Variants in HLA-B observed in about 807,000 individuals in gnomAD.
HLA-B encodes the protein HLA class I antigen HLA-B.
A neutral mutation model predicts 41.5 loss-of-function variants in HLA-B; 31 were observed. The ratio of observed to expected loss-of-function variants is 0.75; its 90% confidence interval spans 0.56 to 1.01. The LOEUF (loss-of-function observed/expected upper bound fraction) is 1.01, where lower values mean the gene tolerates loss of function less well. HLA-B is among the 50% of genes least tolerant of loss of function. The pLI is 0.00. For synonymous variants in HLA-B, 138 were observed against 189.0 expected, an observed-to-expected ratio of 0.73 and a Z score of 2.21; for missense variants, 369 against 457.2, an observed-to-expected ratio of 0.81 and a Z score of 1.76.
In HLA-B at chr6:31,354,470, G is replaced by T; in HGVS notation, c.*4+9C>A. The T allele has an allele frequency of 2.9e-6, 3 of 1,028,394 alleles. No individual in the cohort carries two copies. The highest frequency in any genetic ancestry group is 2.6e-6 in the Non-Finnish European group (2 of 777,120). The allele number at this position is 1,028,394 out of a possible 1,614,324, so 63.7% of individuals were successfully genotyped here. ...CCACCCCACCCACTCTAGACCCCAAGAATCTCACCTTTTCAAGCTGTGAGA... is the reference window on the plus strand; with the variant it reads ...CCACCCCACCCACTCTAGACCCCAATAATCTCACCTTTTCAAGCTGTGAGA... On this transcript the variant is annotated intron_variant, in intron 7 of 7. Coordinates refer to ENST00000412585, the MANE Select transcript of HLA-B (RefSeq NM_005514.8).
Position 31,356,366 on chromosome 6 carries a change from G to T in HLA-B, c.420C>A (p.Tyr140Ter), listed in dbSNP as rs12697944. The T allele has an allele frequency of 0.049, 50,717 of 1,026,736 alleles. 3,876 individuals are homozygous for T. Among genetic ancestry groups the T allele is most frequent in the South Asian group, 0.17 (10,364 of 62,050 alleles). The allele number at this position is 1,026,736 out of a possible 1,614,324, so 63.6% of individuals were successfully genotyped here. Residue 140 changes from tyrosine to a stop codon, truncating the protein, a stop_gained, in exon 3 of 8, where the codon TAC (tyrosine) becomes TAA (stop). Transcript: ENST00000412585. LOFTEE classifies it high-confidence loss of function. ...DGRLLRGHDQ[Y>*]AYDGKDYIAL... ...CGATGTAATCCTTGCCGTCGTAGGCGTACTGGTCATGCCCGCGGAGGAGGC... is the reference window on the plus strand; with the variant it reads ...CGATGTAATCCTTGCCGTCGTAGGCTTACTGGTCATGCCCGCGGAGGAGGC...
intron 6 of HLA-B, 50 bp from the exon 7 acceptor site, chr6:31,354,576 G>A (rs1442048338): frequency 6.8e-7 from 1 of 1,479,106 alleles, no homozygotes; most frequent in African/African-American, 1.8e-5. Flanking sequence ...GGAGACGTGG[G>A]ACAGGAGGAA....
Position 31,355,700 on chromosome 6 carries a change from G to C in HLA-B, c.620-108C>G, listed in dbSNP as rs943384559. ...TGGACAGGACACCTGGGGTGGGGAA[G>C]GGGCACAGAACCCAGACACCAGCCT... On this transcript the variant is annotated intron_variant, in intron 3 of 7. Transcript: ENST00000412585. The C allele has an allele frequency of 2.7e-5, 26 of 967,558 alleles. 2 individuals carry two copies. In the African/African-American group the frequency reaches 5.8e-4, roughly 22 times the overall value. 59.9% of individuals were successfully genotyped at this position (967,558 alleles called of 1,614,324 possible).
intron 3 of HLA-B, 141 bp from the exon 4 acceptor site, chr6:31,355,733 G>A (rs1245506278): frequency 4.0e-6 from 3 of 757,890 alleles, no homozygotes; most frequent in Admixed American, 4.8e-5. Context: ...CCTGGACGCA[G>A]GCACCTGGGA....
intron 3 of HLA-B, 69 bp downstream of exon 3, chr6:31,356,098 C>T (rs41560220): frequency 0.029 from 36,562 of 1,251,986 alleles, 794 homozygotes; most frequent in Admixed American, 0.046. Context: ...CATTTTCCTC[C>T]TCTTCTCGTG....
At chr6:31,354,553 G>T in intron 6 of HLA-B, 27 bp from the exon 7 acceptor site, 1 of 1,432,788 alleles carries the variant, frequency 7.0e-7, no homozygotes, top group Non-Finnish European at 9.3e-7. Flanking sequence ...ACAGGACCTG[G>T]TCAGAGCCCG....
chr6:31,356,432 G>GCCAA lies in HLA-B; in HGVS notation c.353_354insTTGG (p.Leu119TrpfsTer21). ...CGTCGCAGCCGTACATGCTCTGGAG[G>GCCAA]GTGTGAGACCCTGGCCCCGGCCCCG... On this transcript the variant is annotated frameshift_variant, in exon 3 of 8. Transcript: ENST00000412585. LOFTEE classifies it high-confidence loss of function. The GCCAA allele has an allele frequency of 1.2e-6, 1 of 836,992 alleles. No individual in the cohort carries two copies. The highest frequency in any genetic ancestry group is 3.5e-5 in the African/African-American group (1 of 28,186). The allele number at this position is 836,992 out of a possible 1,614,324, so 51.8% of individuals were successfully genotyped here.
At chr6:31,354,427 C>CCT (rs199966337) in intron 7 of HLA-B, 52 bp downstream of exon 7, 5,977 of 300,420 alleles carry the variant, frequency 0.02, 107 homozygotes, top group East Asian at 0.043. Flanking sequence ...CCCTCTGCCC[C>CCT]ACCCACCCCC....
intron 5 of HLA-B, 161 bp downstream of exon 5, chr6:31,354,946 G>A: frequency 3.0e-6 from 1 of 332,088 alleles, no homozygotes; most frequent in Admixed American, 6.2e-5. Flanking sequence ...TGTCACATGT[G>A]CTGCACAAAA....
In HLA-B at chr6:31,355,759, T is replaced by C. The variant is rs574018971; in HGVS notation, c.620-167A>G. On this transcript the variant is annotated intron_variant, in intron 3 of 7. Transcript: ENST00000412585. ...GCACCTGGGATAATCTCCTATTCAT[T>C]GGAAAGTTCGAGTCTCTGAGCGGGG... 1.1e-5 allele frequency: 8 copies of C among 721,262 alleles called. 1 individual carries two copies. Among genetic ancestry groups the C allele is most frequent in the Non-Finnish European group, 1.7e-5 (7 of 419,156 alleles). 44.7% of individuals were successfully genotyped at this position (721,262 alleles called of 1,614,324 possible). A position where few individuals can be genotyped will look rare whatever the true frequency, so the allele number is the denominator to read the frequency against.
chr6:31,354,573 T>C, intron 6 of HLA-B, 47 bp from the exon 7 acceptor site: 1 of 1,473,826 alleles, frequency 6.8e-7, no homozygotes, highest in Non-Finnish European at 9.0e-7. Context: ...GCAGGAGACG[T>C]GGGACAGGAG....
Position 31,355,153 on chromosome 6 carries a change from G to C in HLA-B, c.966C>G (p.Val322=). The C allele has an allele frequency of 8.2e-7, 1 of 1,212,748 alleles. No homozygotes were observed. 75.1% of individuals were successfully genotyped at this position (1,212,748 alleles called of 1,614,324 possible). A position where few individuals can be genotyped will look rare whatever the true frequency, so the allele number is the denominator to read the frequency against. ...VAGLAVLAVV[V]IGAVVAAVMC... The stretch of plus-strand genomic sequence containing the variant: ...TCACAGCAGCGACCACAGCTCCGAT[G>C]ACCACAACTGCTAGGACAGCCAGGC... Residue 322 remains valine (V), a synonymous_variant, in exon 5 of 8, where the codon GTC becomes GTG. Transcript: ENST00000412585.
At chr6:31,355,909 A>T in intron 3 of HLA-B, 1 of 539,592 alleles carries the variant, frequency 1.9e-6, no homozygotes. Context: ...ACGGTTCCCA[A>T]GGCTGCTGCA....
Position 31,354,527 on chromosome 6 carries a change from C to T in HLA-B, c.1046-1G>A. 2.3e-6 allele frequency: 3 copies of T among 1,330,712 alleles called. No homozygotes were observed. Among genetic ancestry groups the T allele is most frequent in the Non-Finnish European group, 3.0e-6 (3 of 1,015,408 alleles). The allele number at this position is 1,330,712 out of a possible 1,614,324, so 82.4% of individuals were successfully genotyped here. A position where few individuals can be genotyped will look rare whatever the true frequency, so the allele number is the denominator to read the frequency against. Reference sequence around the variant, plus strand: ...TCAGAGCCCTGGGCACTGTCGCTGCCTGGAGTAGAACAAAAACAGGACCTG... The same window carrying T: ...TCAGAGCCCTGGGCACTGTCGCTGCTTGGAGTAGAACAAAAACAGGACCTG... On this transcript the variant is annotated splice_acceptor_variant, in intron 6 of 7. Transcript: ENST00000412585. LOFTEE classifies it high-confidence loss of function.
chr6:31,354,422 T>TTCC, intron 7 of HLA-B, 57 bp downstream of exon 7: 1 of 326,724 alleles, frequency 3.1e-6, no homozygotes, highest in Non-Finnish European at 5.5e-6. Context: ...CTTTCCCCTC[T>TTCC]GCCCCACCCA....
rs41557417 is a variant in HLA-B, at chr6:31,356,543, G to T, written c.344-101C>A. The T allele has an allele frequency of 2.7e-4, 298 of 1,106,334 alleles. 2 individuals carry two copies. In the Middle Eastern group the frequency reaches 3.7e-3, roughly 14 times the overall value. The allele number at this position is 1,106,334 out of a possible 1,614,324, so 68.5% of individuals were successfully genotyped here. On this transcript the variant is annotated intron_variant, in intron 2 of 7. Transcript: ENST00000412585. ...CAACTGAAAATGAAACCGGGTAAACGCGCCTGGGGCTCTCGCCGGTCGAGG... is the reference window on the plus strand; with the variant it reads ...CAACTGAAAATGAAACCGGGTAAACTCGCCTGGGGCTCTCGCCGGTCGAGG...
Position 31,356,284 on chromosome 6 carries a change from G to A in HLA-B, c.502C>T (p.Gln168Ter), listed in dbSNP as rs151341280. The change falls in exon 3 of 8, where the codon CAG becomes TAG. Residue 168 changes from glutamine to a stop codon, truncating the protein, a stop_gained. Coordinates refer to ENST00000412585, the MANE Select transcript of HLA-B (RefSeq NM_005514.8). LOFTEE classifies it high-confidence loss of function. ...TAADTAAQIT[Q>*]RKWEAAREAE... ...TCACGGGCCGCCTCCCACTTGCGCT[G>A]GGTGATCTGAGCCGCCGTGTCCGCG... 7.3e-7 allele frequency: 1 copy of A among 1,367,286 alleles called. No homozygotes were observed. Among genetic ancestry groups the A allele is most frequent in the Non-Finnish European group, 9.6e-7 (1 of 1,038,998 alleles). The allele number at this position is 1,367,286 out of a possible 1,614,324, so 84.7% of individuals were successfully genotyped here.
At chr6:31,356,566 AG>A in intron 2 of HLA-B, 121 bp downstream of exon 2, 1 of 1,111,264 alleles carries the variant, frequency 9.0e-7, no homozygotes, top group Non-Finnish European at 1.2e-6. Flanking sequence ...TCGCCGGTCG[AG>A]GGTCTGGGCG....
At position 31,355,191 on chromosome 6, in the gene HLA-B, C is replaced by G; in HGVS notation, c.928G>C (p.Gly310Arg). 1 of 1,225,256 alleles carries G rather than the reference C, an allele frequency of 8.2e-7. No homozygotes were observed. Among genetic ancestry groups the G allele is most frequent in the Non-Finnish European group, 1.0e-6 (1 of 970,316 alleles). 75.9% of individuals were successfully genotyped at this position (1,225,256 alleles called of 1,614,324 possible). A position where few individuals can be genotyped will look rare whatever the true frequency, so the allele number is the denominator to read the frequency against. ...AGGACAGCCAGGCCAGCAACAATGCCCACGATGGGGACGGTGGACTGGGAA... is the reference window on the plus strand; with the variant it reads ...AGGACAGCCAGGCCAGCAACAATGCGCACGATGGGGACGGTGGACTGGGAA... The part of the protein sequence containing the change: ...PSSQSTVPIV[G>R]IVAGLAVLAV... Residue 310 changes from glycine to arginine, a missense_variant, in exon 5 of 8, where the codon GGC becomes CGC. Coordinates refer to ENST00000412585, the MANE Select transcript of HLA-B (RefSeq NM_005514.8).
Sources: gnomAD v4.1 joint callset for allele counts on GRCh38, gnomAD v4.1.1 for gene constraint, MANE v1.5 for transcripts, NCBI Gene and HGNC (gene_info 2026-07-23, HGNC 2026-07-21) for gene names.